MALRD1: variants seen among roughly 807,000 people sequenced by gnomAD.
MALRD1 encodes MAM and LDL-receptor class A domain-containing protein 1.
In MALRD1, 247 loss-of-function variants were observed where a neutral mutation model predicts 242.1. The ratio of observed to expected loss-of-function variants is 1.02; its 90% CI spans 0.92 to 1.13. The LOEUF is 1.13. MALRD1 is among the 50% of genes most tolerant of loss of function. MALRD1 has a pLI of 0.00. For missense variants in MALRD1, 2,989 were observed against 2,533.1 expected, an observed-to-expected ratio of 1.18 and a Z score of -3.86; for synonymous variants, 995 against 866.6, an observed-to-expected ratio of 1.15 and a Z score of -2.60.
At chr10:19,142,193 AAAAAG>A (rs1833572713) in intron 10 of MALRD1, among the ~76,000 whole-genome samples, 1 of 150,780 alleles carries the variant, frequency 6.6e-6, no homozygotes, top group African/African-American at 2.4e-5. Context: ...AAAAAAAAAA[AAAAAG>A]TGGAATGCTA....
intron 14 of MALRD1, among the ~76,000 whole-genome samples, chr10:19,200,645 G>GTTTTTTTTTTTTTT (rs71387053): frequency 4.3e-5 from 3 of 69,448 alleles, no homozygotes; most frequent in East Asian, 1.4e-3. Flanking sequence ...CCTGCTTGAG[G>GTTTTTTTTTTTTTT]TTTTTTTTTT....
At chr10:19,463,888 G>T (rs7070228) in intron 29 of MALRD1, among the ~76,000 whole-genome samples, 2,677 of 152,044 alleles carry the variant, frequency 0.018, 71 homozygotes, top group African/African-American at 0.061. Flanking sequence ...ATTATTTTTT[G>T]ATTTTTTGAT....
intron 21 of MALRD1, among the ~76,000 whole-genome samples, chr10:19,307,283 A>AG (rs1213142340): frequency 2.0e-5 from 3 of 151,476 alleles, no homozygotes; most frequent in Non-Finnish European, 4.4e-5. Context: ...AATTTGTCTA[A>AG]GGGGGATACT....
chr10:19,436,644 A>AT (rs890499365), intron 28 of MALRD1, among the ~76,000 whole-genome samples: 8 of 151,724 alleles, frequency 5.3e-5, no homozygotes, highest in African/African-American at 1.9e-4. Flanking sequence ...TCATTTCCCC[A>AT]TTTTCCTAGG....
chr10:19,217,774 T>C (rs1473493655), intron 18 of MALRD1, among the ~76,000 whole-genome samples: 4 of 152,144 alleles, frequency 2.6e-5, no homozygotes, highest in African/African-American at 9.7e-5. Flanking sequence ...TCTGCCCACG[T>C]TGGCCTCCCA....
At chr10:19,580,212 G>A (rs1245776974) in intron 33 of MALRD1, among the ~76,000 whole-genome samples, 1 of 152,098 alleles carries the variant, frequency 6.6e-6, no homozygotes, top group Non-Finnish European at 1.5e-5. Context: ...GTTATACGAA[G>A]GCAGCAAATT....
intron 38 of MALRD1, among the ~76,000 whole-genome samples, chr10:19,703,923 T>C (rs567497250): frequency 2.0e-5 from 3 of 152,098 alleles, no homozygotes; most frequent in South Asian, 4.2e-4. Flanking sequence ...AAAATAAAAA[T>C]TGCAAAATAA....
chr10:19,141,496 T>C (rs373002912), intron 10 of MALRD1, among the ~76,000 whole-genome samples: 2 of 152,144 alleles, frequency 1.3e-5, no homozygotes, highest in African/African-American at 2.4e-5. Context: ...CCTAATACCA[T>C]AGAAGCTTAC....
rs768745103 is a variant in MALRD1 at position 19,331,385 on chromosome 10, A to C, written c.3704A>C (p.Lys1235Thr). Residue 1235 changes from lysine to threonine, a missense_variant, in exon 24 of 40, where the codon AAA (lysine) becomes ACA (threonine). Physicochemically the swap from Lys to Thr is moderately conservative, Grantham distance 78 (BLOSUM62 -1). Transcript: ENST00000454679. ...RSHTQIVFRA[K>T]RGISYIGDVA... The stretch of plus-strand genomic sequence containing the variant: ...TTTTTTTAGATTGTCTTCAGAGCCA[A>C]ACGTGGTATCAGTTACATAGGAGAT... 1.3e-6 allele frequency: 2 copies of C among 1,550,486 alleles called. No homozygotes were observed. The highest frequency in any genetic ancestry group is 2.4e-5 in the South Asian group (2 of 84,062).
intron 34 of MALRD1, among the ~76,000 whole-genome samples, chr10:19,606,677 A>G (rs868002386): frequency 1.3e-5 from 2 of 152,094 alleles, no homozygotes; most frequent in African/African-American, 2.4e-5. Flanking sequence ...GAGAAACAAG[A>G]TGAACATCAC....
At chr10:19,317,020 T>G (rs1832319543) in intron 21 of MALRD1, among the ~76,000 whole-genome samples, 1 of 151,294 alleles carries the variant, frequency 6.6e-6, no homozygotes, top group Admixed American at 6.7e-5. Context: ...ATATCTCATG[T>G]GCCCGTAAAG....
intron 14 of MALRD1, among the ~76,000 whole-genome samples, chr10:19,195,866 A>G (rs1030203589): frequency 3.9e-5 from 6 of 152,130 alleles, no homozygotes; most frequent in Non-Finnish European, 7.4e-5. Context: ...CAATTTCCCC[A>G]GTCCATTCCT....
intron 38 of MALRD1, among the ~76,000 whole-genome samples, chr10:19,708,618 T>C (rs1833973141): frequency 8.7e-6 from 1 of 114,742 alleles, no homozygotes; most frequent in African/African-American, 2.7e-5. Flanking sequence ...AGTACTGGAA[T>C]CATGTGCCTG....
intron 18 of MALRD1, among the ~76,000 whole-genome samples, chr10:19,223,145 C>T (rs78593612): frequency 0.014 from 2,150 of 152,188 alleles, 43 homozygotes; most frequent in African/African-American, 0.049. Context: ...TTTATATTAA[C>T]ATTAAAACGA....
At chr10:19,692,136 T>C in intron 36 of MALRD1, 146 bp from the exon 37 acceptor site, 1 of 586,318 alleles carries the variant, frequency 1.7e-6, no homozygotes, top group Non-Finnish European at 2.8e-6. Flanking sequence ...TGCTTTGGCT[T>C]AAAGTTTTTG....
At position 19,279,978 on chromosome 10, in the gene MALRD1, TA is replaced by T. The variant is rs1840725968; in HGVS notation, c.3080-65del. ...GGCATATTTAGAAAGCTTCATTGTG[TA>T]AAATCTCTAAAGCAGTAGAAAACCA... On this transcript the variant is annotated intron_variant, in intron 19 of 39. Transcript: ENST00000454679. 11 of 1,253,228 alleles carry T rather than the reference TA, an allele frequency of 8.8e-6. No individual in the cohort carries two copies. In the East Asian group the frequency reaches 3.0e-4, roughly 34 times the overall value. 77.6% of individuals were successfully genotyped at this position (1,253,228 alleles called of 1,614,324 possible).
rs139611353 is a variant in MALRD1, at chr10:19,446,243, G to A, written c.4846-4064G>A. Among the ~76,000 whole-genome samples, 321 of 152,266 alleles carry A rather than the reference G, an allele frequency of 2.1e-3. 1 individual carries two copies. Among genetic ancestry groups the A allele is most frequent in the African/African-American group, 7.3e-3 (304 of 41,556 alleles). On this transcript the variant is annotated intron_variant, in intron 28 of 39. Coordinates refer to ENST00000454679, the MANE Select transcript of MALRD1 (RefSeq NM_001142308.3). Reference sequence around the variant, plus strand: ...CAGTCGCTTGTGGTTCCCGTGTGAGGTGATGCCCCACCCTGCTTCAGCTTA... The same window carrying A: ...CAGTCGCTTGTGGTTCCCGTGTGAGATGATGCCCCACCCTGCTTCAGCTTA...
rs1015474401 is a variant in MALRD1 at position 19,512,572 on chromosome 10, G to A, written c.5320+13926G>A. Among the ~76,000 whole-genome samples the A allele has an allele frequency of 4.8e-4, 73 of 152,160 alleles. 2 individuals are homozygous for A. The highest frequency in any genetic ancestry group is 7.3e-5 in the Non-Finnish European group (5 of 68,030). Reference sequence around the variant, plus strand: ...GAAAAACATTTATAATAACCTCTTAGTTACTGTCATAGCATTGGCTTTCCT... The same window carrying A: ...GAAAAACATTTATAATAACCTCTTAATTACTGTCATAGCATTGGCTTTCCT... On this transcript the variant is annotated intron_variant, in intron 31 of 39. Coordinates refer to ENST00000454679, the MANE Select transcript of MALRD1 (RefSeq NM_001142308.3).
chr10:19,193,873 A>G, intron 14 of MALRD1, among the ~76,000 whole-genome samples: 1 of 151,956 alleles, frequency 6.6e-6, no homozygotes, highest in Non-Finnish European at 1.5e-5. Flanking sequence ...CATATATATA[A>G]TGCAAAGACA....
Sources: allele counts gnomAD v4.1 joint callset (sites outside exome capture counted in the v4.1 genomes callset), GRCh38; gene constraint gnomAD v4.1.1; transcripts MANE v1.5; gene names NCBI Gene and HGNC (gene_info 2026-07-23, HGNC 2026-07-21).